The following PGM1 variants were observed in gnomAD, a reference collection of about 807,000 sequenced individuals.
PGM1 encodes phosphoglucomutase 1, also known as phosphoglucomutase-1.
Under a neutral mutation model 55.6 loss-of-function variants are expected in PGM1, and 52 were observed. That is an observed-to-expected ratio of 0.94 (90% CI 0.75 to 1.18). The LOEUF is 1.18. Among genes scored for constraint, PGM1 ranks in the 50% most tolerant of loss-of-function variants. PGM1 has a pLI of 0.00. For missense variants in PGM1, 724 were observed against 729.3 expected (o/e 0.99, Z 0.08); for synonymous variants, 287 against 271.7 (o/e 1.06, Z -0.55).
chr1:63,593,503 G>A lies in PGM1; in HGVS notation c.15G>A (p.Val5=). MVKI[V]TVKTQAYQDQ... ...AAGTCGCCACCATGGTGAAGATCGTGACAGTTAAGACCCAGGCGTACCAGG... is the reference window on the plus strand; with the variant it reads ...AAGTCGCCACCATGGTGAAGATCGTAACAGTTAAGACCCAGGCGTACCAGG... Residue 5 remains valine, a synonymous_variant, in exon 1 of 11, where the codon GTG becomes GTA. Coordinates refer to ENST00000371084, the MANE Select transcript of PGM1 (RefSeq NM_002633.3). 6.2e-7 allele frequency: 1 copy of A among 1,613,824 alleles called. No individual in the cohort carries two copies. Among genetic ancestry groups the A allele is most frequent in the Non-Finnish European group, 8.5e-7 (1 of 1,179,926 alleles).
In PGM1 at chr1:63,629,948, C is replaced by T; in HGVS notation, c.416C>T (p.Ala139Val). Residue 139 changes from alanine to valine, a missense_variant, in exon 3 of 11, where the codon GCT becomes GTT. Ala to Val is a moderately conservative substitution (Grantham distance 64, BLOSUM62 0). Transcript: ENST00000371084. Reference sequence around the variant, plus strand: ...TTTGCTGTTTGGTTTCCAGGTCCTGCTCCAGAAGCAATAACTGATAAAATT... The same window carrying T: ...TTTGCTGTTTGGTTTCCAGGTCCTGTTCCAGAAGCAATAACTGATAAAATT... The part of the protein sequence containing the change: ...IKFNISNGGP[A>V]PEAITDKIFQ... The T allele has an allele frequency of 6.2e-7, 1 of 1,614,010 alleles. No homozygotes were observed. The highest frequency in any genetic ancestry group is 1.1e-5 in the South Asian group (1 of 91,086).
rs1020668188 is a variant in PGM1 at position 63,634,315 on chromosome 1, C to T, written c.683-514C>T. On this transcript the variant is annotated intron_variant, in intron 4 of 10. Coordinates refer to ENST00000371084, the MANE Select transcript of PGM1 (RefSeq NM_002633.3). ...CTTCATAGCTATTAACTCATTTAAT[C>T]CTTACATCAATCCTGTTAAGTAGTT... 8.5e-5 allele frequency among the ~76,000 whole-genome samples: 13 copies of T among 152,146 alleles called. 1 individual carries two copies. The highest frequency in any genetic ancestry group is 6.2e-4 in the South Asian group (3 of 4,822).
intron 8 of PGM1, 80 bp from the exon 9 acceptor site, chr1:63,651,589 T>C: frequency 1.5e-6 from 2 of 1,358,924 alleles, no homozygotes; most frequent in Non-Finnish European, 2.1e-6. Context: ...GCCAAACAAA[T>C]GATGAAGAAA....
intron 8 of PGM1, among the ~76,000 whole-genome samples, chr1:63,650,651 T>C (rs1274475591): frequency 6.6e-6 from 1 of 152,176 alleles, no homozygotes; most frequent in Admixed American, 6.5e-5. Flanking sequence ...CTTGAGCTTC[T>C]AAAAAATAAC....
intron 2 of PGM1, 138 bp from the exon 3 acceptor site, chr1:63,629,804 T>C (rs776881564): frequency 5.4e-6 from 6 of 1,115,284 alleles, no homozygotes; most frequent in Non-Finnish European, 8.1e-6. Flanking sequence ...TATTTTCTTT[T>C]AGAAAAATCC....
At chr1:63,638,536 A>G (rs1238726255) in intron 6 of PGM1, 149 bp from the exon 7 acceptor site, 3 of 719,372 alleles carry the variant, frequency 4.2e-6, no homozygotes, top group Non-Finnish European at 7.8e-6. Flanking sequence ...GGTTTCTCTT[A>G]TGATTTTCCA....
intron 4 of PGM1, among the ~76,000 whole-genome samples, chr1:63,633,937 T>TATTTTTTTTTA (rs1557433792): frequency 1.1e-5 from 1 of 90,184 alleles, no homozygotes; most frequent in African/African-American, 5.1e-5. Context: ...TATATATTTT[T>TATTTTTTTTTA]TTTTTTTTTT....
chr1:63,635,085 A>G (rs1405606947), intron 5 of PGM1, 66 bp downstream of exon 5: 1 of 1,394,972 alleles, frequency 7.2e-7, no homozygotes, highest in Non-Finnish European at 1.0e-6. Flanking sequence ...ATGGGGAAAA[A>G]AGTGGGCTGC....
intron 7 of PGM1, among the ~76,000 whole-genome samples, chr1:63,644,420 A>G (rs1649598642): frequency 6.6e-6 from 1 of 151,744 alleles, no homozygotes. Context: ...GAAACAAGTA[A>G]TTTATGTTCA....
chr1:63,615,937 TGCTCTGGGCAGAGGTGAGTGAA>T (rs1359324516), intron 1 of PGM1, among the ~76,000 whole-genome samples: 1 of 152,148 alleles, frequency 6.6e-6, no homozygotes, highest in Non-Finnish European at 1.5e-5. Context: ...TGTGCAAGGC[TGCTCTGGGCAGAGGTGAGTGAA>T]GCACTGCCCC....
At chr1:63,651,572 C>A in intron 8 of PGM1, 97 bp from the exon 9 acceptor site, 2 of 1,150,450 alleles carry the variant, frequency 1.7e-6, no homozygotes, top group Non-Finnish European at 2.5e-6. Context: ...GATAGTTTTG[C>A]GGGAGGGCCA....
chr1:63,617,115 A>C (rs891062127), intron 1 of PGM1, among the ~76,000 whole-genome samples: 1 of 152,190 alleles, frequency 6.6e-6, no homozygotes, highest in Non-Finnish European at 1.5e-5. Context: ...AAGAGCCTAC[A>C]TCCCTTGCCC....
intron 1 of PGM1, among the ~76,000 whole-genome samples, chr1:63,615,656 G>A (rs112802449): frequency 0.03 from 4,277 of 141,020 alleles, 186 homozygotes; most frequent in African/African-American, 0.11. Flanking sequence ...TCCGCCTCCC[G>A]GGTTCCAGCG....
chr1:63,616,437 C>T (rs1648714456), intron 1 of PGM1, among the ~76,000 whole-genome samples: 1 of 152,190 alleles, frequency 6.6e-6, no homozygotes, highest in Non-Finnish European at 1.5e-5. Flanking sequence ...TCCATGGCTT[C>T]TTGTCTGCCC....
intron 1 of PGM1, among the ~76,000 whole-genome samples, chr1:63,607,816 G>T (rs1049757278): frequency 6.6e-6 from 1 of 152,188 alleles, no homozygotes; most frequent in Non-Finnish European, 1.5e-5. Context: ...CTTTCAGCCA[G>T]TCAGTTTATG....
chr1:63,596,137 C>A (rs1465991651), intron 1 of PGM1, among the ~76,000 whole-genome samples: 1 of 152,074 alleles, frequency 6.6e-6, no homozygotes, highest in African/African-American at 2.4e-5. Context: ...AGTTCTTCCT[C>A]CCTTGGCCTT....
At chr1:63,630,132 G>A (rs777042308) in intron 3 of PGM1, 44 bp downstream of exon 3, 1 of 1,596,926 alleles carries the variant, frequency 6.3e-7, no homozygotes, top group East Asian at 2.2e-5. Flanking sequence ...CTATTTCCAA[G>A]TTGAGCGATT....
intron 1 of PGM1, among the ~76,000 whole-genome samples, chr1:63,599,646 C>G (rs1193840303): frequency 6.6e-6 from 1 of 152,066 alleles, no homozygotes; most frequent in East Asian, 1.9e-4. Context: ...AAAACTTAAT[C>G]TGGTGTGGTT....
intron 1 of PGM1, among the ~76,000 whole-genome samples, chr1:63,596,699 C>G (rs1648083338): frequency 2.0e-5 from 3 of 152,162 alleles, no homozygotes; most frequent in African/African-American, 7.2e-5. Flanking sequence ...GACACCCCAT[C>G]CCTACCACTC....
Sources: allele counts gnomAD v4.1 joint callset (sites outside exome capture counted in the v4.1 genomes callset), GRCh38; gene constraint gnomAD v4.1.1; transcripts MANE v1.5; gene names NCBI Gene and HGNC (gene_info 2026-07-23, HGNC 2026-07-21).